Variants in NALF1 observed in about 807,000 individuals in gnomAD.
NALF1 encodes NALCN channel auxiliary factor 1.
Under a neutral mutation model 48.4 loss-of-function variants are expected in NALF1, and 3 were observed. That is an observed-to-expected ratio of 0.06 (90% confidence interval 0.03 to 0.16). The LOEUF (loss-of-function observed/expected upper bound fraction) is 0.16, where lower values mean the gene tolerates loss of function less well. NALF1 is among the 10% of genes least tolerant of loss of function. The probability of loss-of-function intolerance (pLI) is 1.00; values close to 1 mark genes in which losing one functional copy is unlikely to be tolerated. For synonymous variants in NALF1, 262 were observed against 245.7 expected, an observed-to-expected ratio of 1.07 and a Z score of -0.62; for missense variants, 526 against 571.5, an observed-to-expected ratio of 0.92 and a Z score of 0.81.
In NALF1 at chr13:107,217,671, C is replaced by T. The variant is rs556699609; in HGVS notation, c.916-6916G>A. Among the ~76,000 whole-genome samples the T allele has an allele frequency of 2.6e-4, 40 of 152,178 alleles. 1 individual carries two copies. The South Asian group carries it at 7.3e-3, about 28-fold the overall frequency. On this transcript the variant is annotated intron_variant, in intron 1 of 2. Coordinates refer to ENST00000375915, the MANE Select transcript of NALF1 (RefSeq NM_001080396.3). ...GCAGGTGAGAAACCTGGGGGTCATC[C>T]GGGTGCCTCTTCCACGCTCCACAGC...
At chr13:107,343,009 G>A (rs1034754998) in intron 1 of NALF1, among the ~76,000 whole-genome samples, 6 of 152,044 alleles carry the variant, frequency 3.9e-5, no homozygotes, top group East Asian at 1.9e-4. Flanking sequence ...AGACTATAAC[G>A]ACACTACAAC....
chr13:107,608,344 C>T (rs1328987292), intron 1 of NALF1, among the ~76,000 whole-genome samples: 1 of 152,198 alleles, frequency 6.6e-6, no homozygotes, highest in Non-Finnish European at 1.5e-5. Context: ...TGATCAAATA[C>T]ATGAATGAAA....
At chr13:107,586,538 A>G (rs1878461746) in intron 1 of NALF1, among the ~76,000 whole-genome samples, 1 of 151,228 alleles carries the variant, frequency 6.6e-6, no homozygotes, top group South Asian at 2.1e-4. Context: ...TTATCTATTT[A>G]TGGGAAGTAG....
chr13:107,288,087 T>C (rs1594105343), intron 1 of NALF1, among the ~76,000 whole-genome samples: 1 of 152,256 alleles, frequency 6.6e-6, no homozygotes, highest in South Asian at 2.1e-4. Flanking sequence ...TTTTAGTTAT[T>C]AAAAATTTCC....
intron 1 of NALF1, among the ~76,000 whole-genome samples, chr13:107,351,350 A>G (rs1882868643): frequency 6.6e-6 from 1 of 152,180 alleles, no homozygotes; most frequent in Non-Finnish European, 1.5e-5. Context: ...ATAAAATAGG[A>G]CCAGAAATGC....
chr13:107,619,001 G>C (rs960224244), intron 1 of NALF1, among the ~76,000 whole-genome samples: 1 of 152,220 alleles, frequency 6.6e-6, no homozygotes, highest in Non-Finnish European at 1.5e-5. Context: ...CGGTTACACA[G>C]AACTTACTGT....
intron 1 of NALF1, among the ~76,000 whole-genome samples, chr13:107,781,922 ATTGTT>A (rs760053361): frequency 9.9e-5 from 15 of 152,228 alleles, no homozygotes; most frequent in South Asian, 4.1e-4. Flanking sequence ...CTGTTTTGTT[ATTGTT>A]TTGTTTTATG....
chr13:107,864,039 T>G (rs1356612216), intron 1 of NALF1, among the ~76,000 whole-genome samples: 1 of 152,212 alleles, frequency 6.6e-6, no homozygotes, highest in Non-Finnish European at 1.5e-5. Context: ...ACTAGTAGAA[T>G]TAGAAGACGT....
At chr13:107,202,178 T>C (rs1749183512) in intron 2 of NALF1, among the ~76,000 whole-genome samples, 1 of 152,122 alleles carries the variant, frequency 6.6e-6, no homozygotes, top group African/African-American at 2.4e-5. Context: ...ATTCACTCTT[T>C]CTTTTTTTAA....
intron 1 of NALF1, among the ~76,000 whole-genome samples, chr13:107,579,290 C>A (rs1878234866): frequency 6.6e-6 from 1 of 152,172 alleles, no homozygotes; most frequent in Non-Finnish European, 1.5e-5. Context: ...AGGGTTTTAC[C>A]ATGTTGGCAA....
chr13:107,859,282 T>C (rs1880508052), intron 1 of NALF1, among the ~76,000 whole-genome samples: 1 of 152,176 alleles, frequency 6.6e-6, no homozygotes, highest in South Asian at 2.1e-4. Flanking sequence ...TCCGAAGAAA[T>C]GATTATTGCA....
At chr13:107,214,070 A>T (rs1239110299) in intron 1 of NALF1, among the ~76,000 whole-genome samples, 1 of 152,238 alleles carries the variant, frequency 6.6e-6, no homozygotes, top group Non-Finnish European at 1.5e-5. Context: ...AAATGTGCCG[A>T]GTTCTCTAGA....
intron 1 of NALF1, among the ~76,000 whole-genome samples, chr13:107,819,885 C>A (rs1879314697): frequency 6.6e-6 from 1 of 152,114 alleles, no homozygotes; most frequent in East Asian, 1.9e-4. Context: ...ATTTTTTAGG[C>A]TTTCTGATGT....
Position 107,685,618 on chromosome 13 carries a change from G to A in NALF1, c.915+180064C>T, listed in dbSNP as rs1008897461. On this transcript the variant is annotated intron_variant, in intron 1 of 2. Transcript: ENST00000375915. ...CTTGAAATGAAGAGCAGTCTTTTAT[G>A]ACATGGAATATATTGATTTTAAAGA... 2.0e-5 allele frequency among the ~76,000 whole-genome samples: 3 copies of A among 152,198 alleles called. 1 individual carries two copies. The highest frequency in any genetic ancestry group is 7.2e-5 in the African/African-American group (3 of 41,452).
chr13:107,383,561 C>G (rs1220628884), intron 1 of NALF1, among the ~76,000 whole-genome samples: 1 of 151,774 alleles, frequency 6.6e-6, no homozygotes. Flanking sequence ...ATTATTCTTA[C>G]GAGGACTACA....
chr13:107,351,632 C>T (rs932521053), intron 1 of NALF1, among the ~76,000 whole-genome samples: 8 of 152,184 alleles, frequency 5.3e-5, no homozygotes, highest in Non-Finnish European at 1.2e-4. Flanking sequence ...TCCCTTTTTG[C>T]TAATAAAAGC....
intron 1 of NALF1, among the ~76,000 whole-genome samples, chr13:107,596,005 G>C (rs958827243): frequency 5.3e-5 from 8 of 152,086 alleles, no homozygotes; most frequent in Admixed American, 1.3e-4. Context: ...AAAGGTTGTG[G>C]GGTGGAAACT....
chr13:107,562,367 C>A (rs1877672980), intron 1 of NALF1, among the ~76,000 whole-genome samples: 2 of 152,116 alleles, frequency 1.3e-5, no homozygotes. Context: ...TCCTTATGTG[C>A]CACTCATGTC....
At chr13:107,469,434 G>T (rs768673603) in intron 1 of NALF1, among the ~76,000 whole-genome samples, 3 of 152,270 alleles carry the variant, frequency 2.0e-5, no homozygotes, top group Non-Finnish European at 2.9e-5. Context: ...TGGTTGTAAA[G>T]TACACTTGGC....
Sources: gnomAD v4.1 joint callset for allele counts (sites outside exome capture counted in the v4.1 genomes callset) on GRCh38, gnomAD v4.1.1 for gene constraint, MANE v1.5 for transcripts, NCBI Gene and HGNC (gene_info 2026-07-23, HGNC 2026-07-21) for gene names.